The following KALRN variants were observed in gnomAD, a reference collection of about 807,000 sequenced individuals.
The protein encoded by KALRN is kalirin RhoGEF kinase.
KALRN carries 70 observed loss-of-function variants against 353.7 expected under a neutral mutation model. That is an observed-to-expected ratio of 0.20 (90% CI 0.16 to 0.24). The LOEUF (loss-of-function observed/expected upper bound fraction) is 0.24. Ranked by LOEUF, KALRN falls within the 10% of genes least tolerant of loss-of-function variation. The pLI is 1.00. For synonymous variants in KALRN, 1,391 were observed against 1,434.8 expected (o/e 0.97, Z 0.69); for missense variants, 2,791 against 3,756.7 (o/e 0.74, Z 6.72).
intron 33 of KALRN, among the ~76,000 whole-genome samples, chr3:124,542,056 CA>C (rs778296241): frequency 5.9e-5 from 9 of 152,188 alleles, no homozygotes; most frequent in Non-Finnish European, 1.3e-4. Flanking sequence ...CACCTGTGGG[CA>C]CAGAATGGAC....
chr3:124,080,267 A>G (rs188494459), intron 1 of KALRN, among the ~76,000 whole-genome samples: 37 of 152,326 alleles, frequency 2.4e-4, no homozygotes, highest in African/African-American at 7.7e-4. Flanking sequence ...TTTTTTAAAA[A>G]GCTAAAAGCA....
intron 1 of KALRN, among the ~76,000 whole-genome samples, chr3:124,123,611 T>A (rs975263089): frequency 1.3e-5 from 2 of 152,230 alleles, no homozygotes; most frequent in Admixed American, 1.3e-4. Flanking sequence ...GGATAATTGA[T>A]GTAGAAGTCT....
chr3:124,091,976 G>A (rs1018817693), intron 1 of KALRN, among the ~76,000 whole-genome samples: 1 of 152,158 alleles, frequency 6.6e-6, no homozygotes, highest in African/African-American at 2.4e-5. Flanking sequence ...TGTGGGAGAT[G>A]GAGAAATGAG....
chr3:124,426,560 A>G (rs1158014553), intron 15 of KALRN, among the ~76,000 whole-genome samples: 1 of 152,234 alleles, frequency 6.6e-6, no homozygotes, highest in Non-Finnish European at 1.5e-5. Flanking sequence ...ACTAAAAATT[A>G]TGTTAATGGA....
At chr3:124,258,920 T>A (rs913286390) in intron 3 of KALRN, among the ~76,000 whole-genome samples, 3 of 152,222 alleles carry the variant, frequency 2.0e-5, no homozygotes, top group African/African-American at 4.8e-5. Context: ...CCCACAGATA[T>A]GGAGGGCCAA....
At chr3:124,094,054 T>G (rs2149379479) in intron 1 of KALRN, 1 of 152,426 alleles carries the variant, frequency 6.6e-6, no homozygotes, top group East Asian at 1.9e-4. Context: ...AAACATTATA[T>G]TCTTCTTTTG....
intron 10 of KALRN, among the ~76,000 whole-genome samples, chr3:124,368,221 C>T (rs370867684): frequency 0.31 from 33,428 of 107,022 alleles, 6,420 homozygotes; most frequent in Non-Finnish European, 0.34. Context: ...CCGGACAGCA[C>T]GGCTGGCCAG....
intron 7 of KALRN, 79 bp from the exon 8 acceptor site, chr3:124,329,782 A>T: frequency 6.7e-7 from 1 of 1,500,956 alleles, no homozygotes; most frequent in African/African-American, 1.4e-5. Context: ...TTCCCAAGGT[A>T]TCTGACCCTC....
chr3:124,187,104 A>G (rs949711599), intron 1 of KALRN, among the ~76,000 whole-genome samples: 2 of 152,232 alleles, frequency 1.3e-5, no homozygotes, highest in South Asian at 4.2e-4. Context: ...TTTTTGAGAA[A>G]GAGACTCACT....
chr3:124,160,134 G>A (rs1005502978), intron 1 of KALRN, among the ~76,000 whole-genome samples: 2 of 150,284 alleles, frequency 1.3e-5, no homozygotes. Flanking sequence ...AATTAGTTAA[G>A]ATGAAGTCAT....
chr3:124,618,445 C>G (rs2078899262), intron 34 of KALRN, among the ~76,000 whole-genome samples: 1 of 152,018 alleles, frequency 6.6e-6, no homozygotes, highest in South Asian at 2.1e-4. Flanking sequence ...GAAAAGTCTG[C>G]TGGTAGGAGA....
At chr3:124,053,185 T>A (rs920082558) in intron 1 of KALRN, among the ~76,000 whole-genome samples, 1 of 152,156 alleles carries the variant, frequency 6.6e-6, no homozygotes, top group Non-Finnish European at 1.5e-5. Flanking sequence ...TCCAGGCATA[T>A]GCCCACCTCT....
intron 1 of KALRN, among the ~76,000 whole-genome samples, chr3:124,036,158 C>T (rs1577425730): frequency 1.3e-5 from 2 of 152,162 alleles, no homozygotes; most frequent in Non-Finnish European, 2.9e-5. Flanking sequence ...ATTATTTCAT[C>T]ACCTTGGTAA....
chr3:124,504,586 G>T (rs2065000708), intron 33 of KALRN, among the ~76,000 whole-genome samples: 1 of 152,176 alleles, frequency 6.6e-6, no homozygotes, highest in Admixed American at 6.5e-5. Context: ...GGGGCTTCAG[G>T]GTTGGCATGT....
intron 14 of KALRN, among the ~76,000 whole-genome samples, chr3:124,416,564 A>C (rs1023716701): frequency 3.9e-5 from 6 of 152,266 alleles, no homozygotes; most frequent in Admixed American, 3.9e-4. Flanking sequence ...GAATGAATCC[A>C]GGGGTTTTAG....
At chr3:124,058,521 A>T (rs2041746715) in intron 1 of KALRN, among the ~76,000 whole-genome samples, 1 of 152,058 alleles carries the variant, frequency 6.6e-6, no homozygotes. Context: ...CTGCTTTTTG[A>T]CCCAACTCTC....
chr3:124,648,602 C>CTAA, intron 37 of KALRN, among the ~76,000 whole-genome samples: 1 of 152,202 alleles, frequency 6.6e-6, no homozygotes, highest in East Asian at 1.9e-4. Flanking sequence ...TCAGCAGCAT[C>CTAA]TAATGGTCAA....
chr3:124,598,222 C>G (rs1001159756), intron 34 of KALRN, among the ~76,000 whole-genome samples: 7 of 152,194 alleles, frequency 4.6e-5, no homozygotes, highest in African/African-American at 1.7e-4. Context: ...GAAATCACAG[C>G]TTGATTTCCA....
At position 124,569,332 on chromosome 3, in the gene KALRN, G is replaced by A. The variant is rs574404314; in HGVS notation, c.5182+6243G>A. Reference sequence around the variant, plus strand: ...CAGCTTCCCCATGCTGCAGAAGGTGGTGGAGAACCGTGGATAAAACTTGGG... The same window carrying A: ...CAGCTTCCCCATGCTGCAGAAGGTGATGGAGAACCGTGGATAAAACTTGGG... On this transcript the variant is annotated intron_variant, in intron 34 of 59. Transcript: ENST00000682506. 2.0e-5 allele frequency among the ~76,000 whole-genome samples: 3 copies of A among 152,262 alleles called. No homozygotes were observed. In the East Asian group the frequency reaches 5.8e-4, roughly 29 times the overall value.
Sources: gnomAD v4.1 joint callset for allele counts (sites outside exome capture counted in the v4.1 genomes callset) on GRCh38, gnomAD v4.1.1 for gene constraint, MANE v1.5 for transcripts, NCBI Gene and HGNC (gene_info 2026-07-23, HGNC 2026-07-21) for gene names.